GLG1: variants seen among roughly 807,000 people sequenced by gnomAD.
The protein encoded by GLG1 is Golgi apparatus protein 1.
GLG1 carries 38 observed loss-of-function variants against 160.5 expected under a neutral mutation model. The ratio of observed to expected loss-of-function variants is 0.24; its 90% CI spans 0.18 to 0.31. The LOEUF (loss-of-function observed/expected upper bound fraction) is 0.31, where lower values mean the gene tolerates loss of function less well. Among genes scored for constraint, GLG1 ranks in the 10% least tolerant of loss-of-function variants. GLG1 has a pLI of 1.00. For missense variants in GLG1, 1,373 were observed against 1,505.2 expected (o/e 0.91, Z 1.45); for synonymous variants, 644 against 543.4 (o/e 1.19, Z -2.57).
intron 13 of GLG1, chr16:74,472,695 T>A: frequency 5.1e-6 from 3 of 590,268 alleles, no homozygotes; most frequent in South Asian, 1.6e-5. Flanking sequence ...AGCAATAACA[T>A]TAGAGTATGC....
At chr16:74,588,229 T>G (rs191466858) in intron 1 of GLG1, among the ~76,000 whole-genome samples, 1 of 151,906 alleles carries the variant, frequency 6.6e-6, no homozygotes. Flanking sequence ...AGTGGGCAAA[T>G]AGTATGTGAT....
intron 3 of GLG1, among the ~76,000 whole-genome samples, chr16:74,504,365 G>T (rs1168462049): frequency 6.6e-6 from 1 of 152,158 alleles, no homozygotes; most frequent in Non-Finnish European, 1.5e-5. Flanking sequence ...TCGGCTCACT[G>T]AAACCCCTGG....
At chr16:74,528,574 A>G (rs571875088) in intron 2 of GLG1, among the ~76,000 whole-genome samples, 1 of 151,880 alleles carries the variant, frequency 6.6e-6, no homozygotes, top group African/African-American at 2.4e-5. Context: ...TACTTTGGCA[A>G]GTCGAGGCGG....
Position 74,480,408 on chromosome 16 carries a change from A to C in GLG1, c.1674-14T>G. Reference sequence around the variant, plus strand: ...ACAGGGTCCAGCCTATAAGGTTAAGAGTTAAAAGATAACCACTAATTAATA... The same window carrying C: ...ACAGGGTCCAGCCTATAAGGTTAAGCGTTAAAAGATAACCACTAATTAATA... On this transcript the variant is annotated splice_polypyrimidine_tract_variant and intron_variant, in intron 10 of 25. Transcript: ENST00000422840. The C allele has an allele frequency of 1.3e-6, 2 of 1,588,414 alleles. No individual in the cohort carries two copies. Among genetic ancestry groups the C allele is most frequent in the Non-Finnish European group, 1.7e-6 (2 of 1,167,642 alleles).
chr16:74,468,504 G>A (rs949167062), intron 17 of GLG1: 7 of 161,226 alleles, frequency 4.3e-5, no homozygotes, highest in Non-Finnish European at 6.8e-5. Context: ...CCAAAGTGCT[G>A]GAATTACAGG....
chr16:74,505,876 C>G (rs886725093), intron 3 of GLG1, among the ~76,000 whole-genome samples: 1 of 150,676 alleles, frequency 6.6e-6, no homozygotes, highest in Non-Finnish European at 1.5e-5. Context: ...ACAAAAAACC[C>G]AAAATTAGCT....
chr16:74,477,518 G>A lies in GLG1; in HGVS notation c.1843C>T (p.Arg615Ter), dbSNP rs1323439519. ...TGTAGGATCCTTTGGACTTCAGCTCGGCACTCCCGTGAGAGCTGCATGAGA... is the reference window on the plus strand; with the variant it reads ...TGTAGGATCCTTTGGACTTCAGCTCAGCACTCCCGTGAGAGCTGCATGAGA... The part of the protein sequence containing the change: ...EQGRRLSREC[R>*]AEVQRILHQR... The change falls in exon 12 of 26, where the codon CGA (arginine) becomes TGA (stop). Residue 615 changes from arginine (R) to a stop codon, truncating the protein, a stop_gained. Transcript: ENST00000422840. LOFTEE classifies it high-confidence loss of function. 3 of 1,612,868 alleles carry A rather than the reference G, an allele frequency of 1.9e-6. No homozygotes were observed. The highest frequency in any genetic ancestry group is 1.7e-6 in the Non-Finnish European group (2 of 1,179,140).
At chr16:74,509,507 C>T (rs1437962114) in intron 2 of GLG1, among the ~76,000 whole-genome samples, 1 of 151,792 alleles carries the variant, frequency 6.6e-6, no homozygotes, top group African/African-American at 2.4e-5. Flanking sequence ...GGAGGAGAGT[C>T]GCCCAGGTTC....
At chr16:74,574,994 A>G (rs1423917812) in intron 1 of GLG1, among the ~76,000 whole-genome samples, 1 of 29,282 alleles carries the variant, frequency 3.4e-5, no homozygotes, top group Non-Finnish European at 6.4e-5. Context: ...TAATCCTAGC[A>G]CTTTGGGAGG....
chr16:74,566,245 T>C (rs1043594680), intron 1 of GLG1, among the ~76,000 whole-genome samples: 11 of 152,208 alleles, frequency 7.2e-5, no homozygotes, highest in African/African-American at 2.7e-4. Flanking sequence ...GCTCAGCCCA[T>C]CATCAAGAAA....
At chr16:74,538,592 T>G (rs532321810) in intron 1 of GLG1, among the ~76,000 whole-genome samples, 2 of 152,184 alleles carry the variant, frequency 1.3e-5, no homozygotes, top group Non-Finnish European at 2.9e-5. Context: ...AAAAGGACAG[T>G]GATCAGCACA....
chr16:74,572,984 T>TG (rs1160604598), intron 1 of GLG1, among the ~76,000 whole-genome samples: 2 of 152,058 alleles, frequency 1.3e-5, no homozygotes, highest in Non-Finnish European at 1.5e-5. Flanking sequence ...GGACACTCAG[T>TG]GGGTATACAC....
At chr16:74,556,266 G>C (rs896173536) in intron 1 of GLG1, among the ~76,000 whole-genome samples, 1 of 152,142 alleles carries the variant, frequency 6.6e-6, no homozygotes. Flanking sequence ...AAGATATACA[G>C]TTAGGTGCTG....
chr16:74,530,934 A>T (rs2017512562), intron 2 of GLG1, among the ~76,000 whole-genome samples: 2 of 152,128 alleles, frequency 1.3e-5, no homozygotes, highest in African/African-American at 2.4e-5. Context: ...TGAACATTCT[A>T]TTCATGTCTG....
chr16:74,594,411 T>C (rs949467900), intron 1 of GLG1, among the ~76,000 whole-genome samples: 1 of 152,168 alleles, frequency 6.6e-6, no homozygotes, highest in Non-Finnish European at 1.5e-5. Flanking sequence ...CTTTCTGATT[T>C]CAGTAAAATT....
chr16:74,456,359 A>T (rs1025607719), intron 25 of GLG1, among the ~76,000 whole-genome samples: 3 of 152,160 alleles, frequency 2.0e-5, no homozygotes, highest in Non-Finnish European at 2.9e-5. Flanking sequence ...ACGGGGTTTC[A>T]CCGTGTTGGC....
intron 1 of GLG1, among the ~76,000 whole-genome samples, chr16:74,576,806 T>C (rs956199466): frequency 2.0e-5 from 3 of 152,224 alleles, no homozygotes; most frequent in Non-Finnish European, 2.9e-5. Flanking sequence ...AATATAATCT[T>C]TGAGTATACT....
chr16:74,562,003 A>G (rs1399945535), intron 1 of GLG1, among the ~76,000 whole-genome samples: 1 of 152,250 alleles, frequency 6.6e-6, no homozygotes, highest in African/African-American at 2.4e-5. Flanking sequence ...GGTCATTGGA[A>G]CACTTATAGA....
intron 4 of GLG1, among the ~76,000 whole-genome samples, chr16:74,497,047 G>T (rs2016215341): frequency 4.6e-5 from 7 of 152,110 alleles, no homozygotes; most frequent in Admixed American, 4.6e-4. Context: ...GGAAGGCCGA[G>T]GCAGGTGGAT....
Sources: gnomAD v4.1 joint callset for allele counts (sites outside exome capture counted in the v4.1 genomes callset) on GRCh38, gnomAD v4.1.1 for gene constraint, MANE v1.5 for transcripts, NCBI Gene and HGNC (gene_info 2026-07-23, HGNC 2026-07-21) for gene names.